The following WWOX variants were observed in gnomAD, a reference collection of about 807,000 sequenced individuals.
WWOX encodes WW domain containing oxidoreductase.
In WWOX, 69 loss-of-function variants were observed where a neutral mutation model predicts 46.2. The observed-to-expected ratio is 1.49, with a 90% CI of 1.23 to 1.82. WWOX has a LOEUF of 1.82. Among genes scored for constraint, WWOX ranks in the 40% most tolerant of loss-of-function variants. The pLI, the probability that WWOX is intolerant of heterozygous loss-of-function variation, is 0.00. For synonymous variants in WWOX, 359 were observed against 202.6 expected, an observed-to-expected ratio of 1.77 and a Z score of -6.56; for missense variants, 919 against 542.6, an observed-to-expected ratio of 1.69 and a Z score of -6.89.
intron 8 of WWOX, among the ~76,000 whole-genome samples, chr16:78,446,771 C>G (rs1450164385): frequency 6.7e-6 from 1 of 149,222 alleles, no homozygotes; most frequent in Non-Finnish European, 1.5e-5. Flanking sequence ...AGCCATTCTC[C>G]AGTCTCAGCC....
At chr16:79,176,244 C>T (rs1432707093) in intron 8 of WWOX, among the ~76,000 whole-genome samples, 2 of 152,208 alleles carry the variant, frequency 1.3e-5, no homozygotes, top group Non-Finnish European at 2.9e-5. Flanking sequence ...TGGCCAATGG[C>T]AGCTACGTTC....
chr16:78,511,682 C>G (rs578191151), intron 8 of WWOX, among the ~76,000 whole-genome samples: 9 of 152,268 alleles, frequency 5.9e-5, no homozygotes, highest in Admixed American at 3.9e-4. Flanking sequence ...TAGTACCCCC[C>G]GCCTAGGGTG....
At chr16:78,453,500 G>A (rs893754666) in intron 8 of WWOX, among the ~76,000 whole-genome samples, 2 of 152,114 alleles carry the variant, frequency 1.3e-5, no homozygotes, top group South Asian at 2.1e-4. Context: ...GTAGAAATGC[G>A]AATGGACGCT....
At chr16:78,827,054 A>C (rs914412687) in intron 8 of WWOX, among the ~76,000 whole-genome samples, 1 of 152,126 alleles carries the variant, frequency 6.6e-6, no homozygotes, top group African/African-American at 2.4e-5. Flanking sequence ...GTGCAAGGGA[A>C]CCAGAGAGCT....
intron 8 of WWOX, among the ~76,000 whole-genome samples, chr16:78,837,580 T>C (rs1597699028): frequency 6.6e-6 from 1 of 152,286 alleles, no homozygotes; most frequent in Middle Eastern, 3.4e-3. Flanking sequence ...CAGTGCAAGA[T>C]TGAAGATTTA....
intron 8 of WWOX, among the ~76,000 whole-genome samples, chr16:79,012,974 C>A (rs960988573): frequency 6.6e-5 from 10 of 152,184 alleles, no homozygotes; most frequent in African/African-American, 2.2e-4. Context: ...GGTGGATCGC[C>A]TGAGGTCAGG....
intron 4 of WWOX, among the ~76,000 whole-genome samples, chr16:78,151,504 C>G (rs531096029): frequency 1.3e-5 from 2 of 152,186 alleles, no homozygotes; most frequent in East Asian, 3.9e-4. Flanking sequence ...GGCGTGGTAC[C>G]CAGCCAAGAG....
chr16:79,024,061 A>G (rs2047588932), intron 8 of WWOX, among the ~76,000 whole-genome samples: 5 of 152,232 alleles, frequency 3.3e-5, no homozygotes, highest in Admixed American at 3.3e-4. Context: ...GCACCTCCAA[A>G]GAGACAGAAA....
intron 5 of WWOX, among the ~76,000 whole-genome samples, chr16:78,247,670 G>A (rs745906857): frequency 2.6e-5 from 4 of 152,242 alleles, no homozygotes; most frequent in Non-Finnish European, 4.4e-5. Flanking sequence ...CCACTCCTGC[G>A]TCTCTGGCCT....
chr16:79,004,963 T>A (rs1358647908), intron 8 of WWOX, among the ~76,000 whole-genome samples: 1 of 152,064 alleles, frequency 6.6e-6, no homozygotes, highest in Non-Finnish European at 1.5e-5. Flanking sequence ...AAGGAGGAGT[T>A]GTTGTTTTCT....
chr16:78,355,816 TC>T, intron 5 of WWOX: 1 of 706,056 alleles, frequency 1.4e-6, no homozygotes, highest in Non-Finnish European at 2.5e-6. Flanking sequence ...TGGTTGCCCC[TC>T]CACTGAGAGT....
intron 5 of WWOX, among the ~76,000 whole-genome samples, chr16:78,379,922 C>A (rs530723764): frequency 2.0e-5 from 3 of 152,066 alleles, no homozygotes; most frequent in Non-Finnish European, 2.9e-5. Flanking sequence ...TTTGAAGTGT[C>A]GGAAGGATGG....
chr16:78,977,165 A>T (rs2046588745), intron 8 of WWOX, among the ~76,000 whole-genome samples: 1 of 152,260 alleles, frequency 6.6e-6, no homozygotes, highest in Admixed American at 6.5e-5. Flanking sequence ...CCTATATATC[A>T]TTCACTCAAG....
chr16:78,678,204 A>T (rs550653548), intron 8 of WWOX, among the ~76,000 whole-genome samples: 18 of 152,220 alleles, frequency 1.2e-4, no homozygotes, highest in African/African-American at 4.3e-4. Flanking sequence ...GGTAGATTAC[A>T]TGCTTAATGA....
At chr16:78,229,220 T>C (rs1015373189) in intron 5 of WWOX, among the ~76,000 whole-genome samples, 6 of 150,864 alleles carry the variant, frequency 4.0e-5, no homozygotes, top group Non-Finnish European at 8.8e-5. Flanking sequence ...AGAAGGACTT[T>C]ATAAATATTT....
At chr16:78,392,771 A>G (rs1001526372) in intron 6 of WWOX, among the ~76,000 whole-genome samples, 2 of 152,130 alleles carry the variant, frequency 1.3e-5, no homozygotes, top group Non-Finnish European at 2.9e-5. Context: ...ATCGTCCAAG[A>G]GTACACACAG....
intron 8 of WWOX, among the ~76,000 whole-genome samples, chr16:79,190,660 T>C (rs1336331638): frequency 6.6e-6 from 1 of 152,216 alleles, no homozygotes; most frequent in East Asian, 1.9e-4. Flanking sequence ...ATTAACTACT[T>C]GGCATTAGGT....
intron 8 of WWOX, among the ~76,000 whole-genome samples, chr16:78,628,625 T>G (rs543919755): frequency 3.3e-5 from 5 of 152,314 alleles, no homozygotes; most frequent in Admixed American, 3.3e-4. Context: ...CCAGCAATTT[T>G]TTTTTTTTAG....
At chr16:78,608,352 A>G (rs934193883) in intron 8 of WWOX, among the ~76,000 whole-genome samples, 1 of 152,196 alleles carries the variant, frequency 6.6e-6, no homozygotes, top group African/African-American at 2.4e-5. Context: ...AGCCCTTACC[A>G]TTTATGAAAC....
Sources: allele counts gnomAD v4.1 joint callset (sites outside exome capture counted in the v4.1 genomes callset), GRCh38; gene constraint gnomAD v4.1.1; transcripts MANE v1.5; gene names NCBI Gene and HGNC (gene_info 2026-07-23, HGNC 2026-07-21).